The following CUX2 variants were observed in gnomAD, a reference collection of about 807,000 sequenced individuals.
The protein encoded by CUX2 is homeobox protein cut-like 2.
CUX2 carries 40 observed loss-of-function variants against 144.8 expected under a neutral mutation model. The ratio of observed to expected loss-of-function variants is 0.28; its 90% CI spans 0.21 to 0.36. The LOEUF is 0.36. Ranked by LOEUF, CUX2 falls within the 10% of genes least tolerant of loss-of-function variation. The pLI is 1.00. For missense variants in CUX2, 1,615 were observed against 1,994.0 expected, an observed-to-expected ratio of 0.81 and a Z score of 3.62; for synonymous variants, 827 against 875.6, an observed-to-expected ratio of 0.94 and a Z score of 0.98.
chr12:111,345,069 G>C (rs1245517057), intron 21 of CUX2, among the ~76,000 whole-genome samples: 3 of 151,590 alleles, frequency 2.0e-5, no homozygotes, highest in Non-Finnish European at 2.9e-5. Context: ...ACGCCCAGCT[G>C]GTTTTTGCCA....
At chr12:111,228,834 G>A (rs927217398) in intron 3 of CUX2, among the ~76,000 whole-genome samples, 1 of 152,062 alleles carries the variant, frequency 6.6e-6, no homozygotes, top group African/African-American at 2.4e-5. Flanking sequence ...TCTGTGACTG[G>A]GGCACTTTTC....
Position 111,320,788 on chromosome 12 carries a change from C to T in CUX2, c.2766+13C>T, listed in dbSNP as rs1418779752. 1.5e-5 allele frequency: 23 copies of T among 1,501,368 alleles called. No individual in the cohort carries two copies. The highest frequency in any genetic ancestry group is 1.9e-5 in the Non-Finnish European group (22 of 1,128,618). The allele number at this position is 1,501,368 out of a possible 1,614,324, so 93.0% of individuals were successfully genotyped here. A position where few individuals can be genotyped will look rare whatever the true frequency, so the allele number is the denominator to read the frequency against. On this transcript the variant is annotated intron_variant, in intron 17 of 21. Coordinates refer to ENST00000261726, the MANE Select transcript of CUX2 (RefSeq NM_015267.4). This position sits in a 1 kb window ranked among gnomAD's most constrained non-coding sequence, Gnocchi z 8.1. ...CTTCGGGGAGAAGGTGAGTGCAGGGCGGGCCCCCGGTGTCTGGGCTCTGGG... is the reference window on the plus strand; with the variant it reads ...CTTCGGGGAGAAGGTGAGTGCAGGGTGGGCCCCCGGTGTCTGGGCTCTGGG...
intron 21 of CUX2, among the ~76,000 whole-genome samples, chr12:111,345,182 A>G (rs1454018610): frequency 2.2e-4 from 32 of 147,108 alleles, no homozygotes; most frequent in South Asian, 4.4e-4. Flanking sequence ...GGGCGCAGTG[A>G]CTCACGCCTG....
intron 8 of CUX2, among the ~76,000 whole-genome samples, chr12:111,296,861 A>C (rs1490105272): frequency 8.5e-5 from 5 of 59,024 alleles, no homozygotes; most frequent in African/African-American, 1.4e-4. Context: ...CCCTCTGGCC[A>C]TCCCAGACAC....
At chr12:111,294,876 C>T (rs943685591) in intron 6 of CUX2, among the ~76,000 whole-genome samples, 1 of 151,388 alleles carries the variant, frequency 6.6e-6, no homozygotes, top group African/African-American at 2.4e-5. Flanking sequence ...CCAGCCTGGG[C>T]GACAGAGCGA....
At chr12:111,275,483 G>A (rs894192758) in intron 4 of CUX2, among the ~76,000 whole-genome samples, 5 of 152,176 alleles carry the variant, frequency 3.3e-5, no homozygotes, top group Admixed American at 1.3e-4. Context: ...CTGGGCAGCC[G>A]CATGTGTCGG....
At chr12:111,183,685 T>G (rs924723913) in intron 1 of CUX2, among the ~76,000 whole-genome samples, 2 of 152,196 alleles carry the variant, frequency 1.3e-5, no homozygotes, top group Non-Finnish European at 2.9e-5. Context: ...GTAGGGCTGA[T>G]GACAGTGCAT....
chr12:111,296,331 A>G lies in CUX2; in HGVS notation c.638-142A>G. 4 of 667,012 alleles carry G rather than the reference A, an allele frequency of 6.0e-6. No homozygotes were observed. In the South Asian group the frequency reaches 7.4e-5, roughly 12 times the overall value. The allele number at this position is 667,012 out of a possible 1,614,324, so 41.3% of individuals were successfully genotyped here. A position where few individuals can be genotyped will look rare whatever the true frequency, so the allele number is the denominator to read the frequency against. On this transcript the variant is annotated intron_variant, in intron 7 of 21. Transcript: ENST00000261726. ...AACTCACTCACCGTCACCAGTTCTG[A>G]CTGAGAGAAAGATCTCCCTCACTAC... is the stretch of plus-strand genomic sequence containing the variant.
chr12:111,049,764 G>A (rs540043234), intron 1 of CUX2, among the ~76,000 whole-genome samples: 1 of 152,230 alleles, frequency 6.6e-6, no homozygotes, highest in Non-Finnish European at 1.5e-5. Flanking sequence ...GAAGGACCAA[G>A]CTCTGTCCTG....
At chr12:111,139,606 A>G (rs1876160739) in intron 1 of CUX2, among the ~76,000 whole-genome samples, 1 of 152,228 alleles carries the variant, frequency 6.6e-6, no homozygotes, top group South Asian at 2.1e-4. Context: ...TCTCAGCCAC[A>G]GCCAGCTGCT....
At chr12:111,165,748 A>G (rs1157612053) in intron 1 of CUX2, among the ~76,000 whole-genome samples, 1 of 152,202 alleles carries the variant, frequency 6.6e-6, no homozygotes, top group Non-Finnish European at 1.5e-5. Context: ...GTGTAGTGAC[A>G]TCACAGCAGG....
intron 1 of CUX2, among the ~76,000 whole-genome samples, chr12:111,038,131 C>T: frequency 6.6e-6 from 1 of 152,176 alleles, no homozygotes; most frequent in East Asian, 1.9e-4. Context: ...ATATTTTCCC[C>T]TGCTCAAAGT....
At chr12:111,180,878 C>T (rs985705789) in intron 1 of CUX2, among the ~76,000 whole-genome samples, 1 of 152,196 alleles carries the variant, frequency 6.6e-6, no homozygotes, top group Admixed American at 6.5e-5. Flanking sequence ...AAATAACCTC[C>T]CGGGCTCCTC....
chr12:111,117,748 T>A (rs77166134), intron 1 of CUX2, among the ~76,000 whole-genome samples: 1 of 152,190 alleles, frequency 6.6e-6, no homozygotes, highest in African/African-American at 2.4e-5. Context: ...CTCTGAGTAT[T>A]TCCATTTCAC....
Position 111,310,819 on chromosome 12 carries a change from C to T in CUX2, c.1900+137C>T. 2 of 962,974 alleles carry T rather than the reference C, an allele frequency of 2.1e-6. No homozygotes were observed. Among genetic ancestry groups the T allele is most frequent in the Non-Finnish European group, 3.0e-6 (2 of 670,766 alleles). 59.7% of individuals were successfully genotyped at this position (962,974 alleles called of 1,614,324 possible). ...TGGCTGTGTGACCCAGGGCCAGTGG[C>T]TTTGCCTGTCTGTGCCTCAGTTTCC... On this transcript the variant is annotated intron_variant, in intron 15 of 21. Coordinates refer to ENST00000261726, the MANE Select transcript of CUX2 (RefSeq NM_015267.4). This position sits in a 1 kb window ranked among gnomAD's most constrained non-coding sequence, Gnocchi z 7.9.
chr12:111,318,398 C>A (rs1286162787), intron 16 of CUX2, among the ~76,000 whole-genome samples: 1 of 151,068 alleles, frequency 6.6e-6, no homozygotes, highest in African/African-American at 2.4e-5. Flanking sequence ...CCTTCACCTG[C>A]TTTTTTCACT....
chr12:111,137,587 A>G (rs1189876993), intron 1 of CUX2, among the ~76,000 whole-genome samples: 1 of 152,022 alleles, frequency 6.6e-6, no homozygotes, highest in Non-Finnish European at 1.5e-5. Context: ...ATCACAGTTC[A>G]CTACAGTCTC....
At chr12:111,212,561 G>A (rs921669376) in intron 1 of CUX2, among the ~76,000 whole-genome samples, 1 of 152,136 alleles carries the variant, frequency 6.6e-6, no homozygotes. Context: ...TAGAGAGGAG[G>A]CCTCACTATG....
Position 111,114,533 on chromosome 12 carries a change from A to G in CUX2, c.63+80293A>G, listed in dbSNP as rs150990137. Among the ~76,000 whole-genome samples, 4 of 152,340 alleles carry G rather than the reference A, an allele frequency of 2.6e-5. No homozygotes were observed. The East Asian group carries it at 7.7e-4, about 29-fold the overall frequency. On this transcript the variant is annotated intron_variant, in intron 1 of 21. Coordinates refer to ENST00000261726, the MANE Select transcript of CUX2 (RefSeq NM_015267.4). ...AGGTGATTTGGAAATATTTTCTCCCAGTGTGTGGCTTGTGTTTTCATTCTC... is the reference window on the plus strand; with the variant it reads ...AGGTGATTTGGAAATATTTTCTCCCGGTGTGTGGCTTGTGTTTTCATTCTC...
Sources: gnomAD v4.1 joint callset for allele counts (sites outside exome capture counted in the v4.1 genomes callset) on GRCh38, gnomAD v4.1.1 for gene constraint, Gnocchi (gnomAD v3.1) non-coding constraint, MANE v1.5 for transcripts, NCBI Gene and HGNC (gene_info 2026-07-23, HGNC 2026-07-21) for gene names.